The following HTR2A variants were observed in gnomAD, a reference collection of about 807,000 sequenced individuals.
HTR2A encodes the protein 5-hydroxytryptamine receptor 2A, also known as 5-HT2 receptor.
In HTR2A, 14 loss-of-function variants were observed where a neutral mutation model predicts 31.0. The ratio of observed to expected loss-of-function variants is 0.45; its 90% CI spans 0.30 to 0.71. The LOEUF (loss-of-function observed/expected upper bound fraction) is 0.71. Ranked by LOEUF, HTR2A falls within the 30% of genes least tolerant of loss-of-function variation. The pLI is 0.09. For synonymous variants in HTR2A, 209 were observed against 225.2 expected, an observed-to-expected ratio of 0.93 and a Z score of 0.64; for missense variants, 442 against 573.3, an observed-to-expected ratio of 0.77 and a Z score of 2.34.
At chr13:46,847,649 A>G (rs1221111014) in intron 3 of HTR2A, among the ~76,000 whole-genome samples, 1 of 152,112 alleles carries the variant, frequency 6.6e-6, no homozygotes, top group East Asian at 1.9e-4. Flanking sequence ...CTTTATTTCC[A>G]TCTCTTATGG....
At chr13:46,890,499 C>G (rs1951044440) in intron 3 of HTR2A, among the ~76,000 whole-genome samples, 1 of 152,146 alleles carries the variant, frequency 6.6e-6, no homozygotes, top group African/African-American at 2.4e-5. Flanking sequence ...TCAGATTGAC[C>G]CATATTGACT....
intron 1 of HTR2A, among the ~76,000 whole-genome samples, chr13:46,896,453 C>T (rs996969703): frequency 6.6e-6 from 1 of 152,194 alleles, no homozygotes; most frequent in Non-Finnish European, 1.5e-5. Context: ...TTACAGTTCT[C>T]AGCCATTCTT....
rs1876321654 is a variant in HTR2A, at chr13:46,833,468, C to CT, written c.*1368dup. 1 of 152,012 alleles carries CT rather than the reference C, an allele frequency of 6.6e-6. No homozygotes were observed. The highest frequency in any genetic ancestry group is 1.9e-4 in the East Asian group (1 of 5,176). 9.4% of individuals were successfully genotyped at this position (152,012 alleles called of 1,614,324 possible). A position where few individuals can be genotyped will look rare whatever the true frequency, so the allele number is the denominator to read the frequency against. ...CTTGAGCTTCTGGGCTCAAGTGATC[C>CT]TTGCGTCTCAGCCTCCCCTGTAGCT... On this transcript the variant is annotated 3_prime_UTR_variant, in exon 4 of 4. Coordinates refer to ENST00000542664, the MANE Select transcript of HTR2A (RefSeq NM_000621.5).
chr13:46,849,687 C>T (rs928688012), intron 3 of HTR2A, among the ~76,000 whole-genome samples: 1 of 152,182 alleles, frequency 6.6e-6, no homozygotes, highest in African/African-American at 2.4e-5. Context: ...ATTTGGTGTC[C>T]ATGTAAATGC....
In HTR2A at chr13:46,896,137, TTTA is replaced by T. The variant is rs1951102602; in HGVS notation, c.-234_-232del. The T allele has an allele frequency of 7.9e-7, 1 of 1,259,018 alleles. No homozygotes were observed. Among genetic ancestry groups the T allele is most frequent in the South Asian group, 3.2e-5 (1 of 31,166 alleles). The allele number at this position is 1,259,018 out of a possible 1,614,324, so 78.0% of individuals were successfully genotyped here. The stretch of plus-strand genomic sequence containing the variant: ...ATTTTAGGAGAGTCCACTGTTTGGT[TTTA>T]TTATTTTCTCACCAAACCGAGGACA... On this transcript the variant is annotated 5_prime_UTR_variant, in exon 2 of 4. Transcript: ENST00000542664.
At chr13:46,851,529 C>A (rs114178701) in intron 3 of HTR2A, among the ~76,000 whole-genome samples, 1 of 152,102 alleles carries the variant, frequency 6.6e-6, no homozygotes, top group Admixed American at 6.5e-5. Context: ...CACTTTCGCA[C>A]GGAATATTTA....
At chr13:46,850,864 G>A (rs1408155250) in intron 3 of HTR2A, among the ~76,000 whole-genome samples, 1 of 152,108 alleles carries the variant, frequency 6.6e-6, no homozygotes, top group Non-Finnish European at 1.5e-5. Flanking sequence ...AACATTTTTT[G>A]AAATTACAAT....
intron 3 of HTR2A, among the ~76,000 whole-genome samples, chr13:46,849,785 T>C (rs1950668476): frequency 6.6e-6 from 1 of 152,250 alleles, no homozygotes; most frequent in African/African-American, 2.4e-5. Context: ...CAGTTGCCAC[T>C]GTATGAGATT....
At chr13:46,836,019 G>C (rs1443883048) in intron 3 of HTR2A, among the ~76,000 whole-genome samples, 1 of 151,690 alleles carries the variant, frequency 6.6e-6, no homozygotes. Context: ...AACTGATGCT[G>C]TTCATTTTAT....
intron 3 of HTR2A, among the ~76,000 whole-genome samples, chr13:46,884,825 T>TAC (rs1950993799): frequency 9.0e-6 from 1 of 111,670 alleles, no homozygotes; most frequent in Non-Finnish European, 1.7e-5. Context: ...TGTGTATGTA[T>TAC]ACATATATAT....
chr13:46,897,095 G>C (rs1416046767), upstream of HTR2A: 1 of 390,054 alleles, frequency 2.6e-6, no homozygotes, highest in Non-Finnish European at 4.5e-6. Context: ...CTATGTGTAT[G>C]TCATAAGCTG....
intron 1 of HTR2A, 28 bp from the exon 2 acceptor site, chr13:46,896,262 T>C: frequency 9.2e-7 from 1 of 1,090,528 alleles, no homozygotes; most frequent in Non-Finnish European, 1.1e-6. Context: ...GTTTTATAAC[T>C]ACTGGGACTC....
At chr13:46,894,887 C>T (rs1049085336) in intron 2 of HTR2A, among the ~76,000 whole-genome samples, 12 of 152,186 alleles carry the variant, frequency 7.9e-5, no homozygotes, top group Admixed American at 1.3e-4. Context: ...AATTCAAAGG[C>T]ACATTTCCAA....
intron 3 of HTR2A, among the ~76,000 whole-genome samples, chr13:46,867,103 G>A (rs1206793067): frequency 6.6e-6 from 1 of 152,206 alleles, no homozygotes; most frequent in Non-Finnish European, 1.5e-5. Context: ...CATGGTTTTT[G>A]TGGGGGAATC....
intron 3 of HTR2A, among the ~76,000 whole-genome samples, chr13:46,873,858 G>A (rs1016798088): frequency 6.6e-6 from 1 of 152,194 alleles, no homozygotes; most frequent in Non-Finnish European, 1.5e-5. Context: ...ATAGGCAGGT[G>A]AGCAAGTGCT....
chr13:46,841,384 G>C (rs953979939), intron 3 of HTR2A, among the ~76,000 whole-genome samples: 1 of 151,916 alleles, frequency 6.6e-6, no homozygotes, highest in African/African-American at 2.4e-5. Context: ...AATTCATTGA[G>C]GCCAGAAAAA....
At chr13:46,872,407 T>G (rs1168176386) in intron 3 of HTR2A, among the ~76,000 whole-genome samples, 3 of 152,348 alleles carry the variant, frequency 2.0e-5, no homozygotes, top group East Asian at 3.9e-4. Flanking sequence ...ATGAAAACAT[T>G]AGTTTAATAC....
chr13:46,892,619 G>T (rs748525097), intron 2 of HTR2A, 29 bp from the exon 3 acceptor site: 38 of 1,586,334 alleles, frequency 2.4e-5, no homozygotes, highest in Non-Finnish European at 3.3e-5. Context: ...GTGTCAGTGA[G>T]CAACCCTGTG....
At chr13:46,885,358 C>T (rs946303959) in intron 3 of HTR2A, among the ~76,000 whole-genome samples, 3 of 152,116 alleles carry the variant, frequency 2.0e-5, no homozygotes, top group Admixed American at 6.6e-5. Flanking sequence ...CGATTTAAAA[C>T]TTTCAAATTG....
Sources: allele counts gnomAD v4.1 joint callset (sites outside exome capture counted in the v4.1 genomes callset), GRCh38; gene constraint gnomAD v4.1.1; transcripts MANE v1.5; gene names NCBI Gene and HGNC (gene_info 2026-07-23, HGNC 2026-07-21).